Variants in MARCHF1 observed in about 807,000 individuals in gnomAD.
MARCHF1 encodes the protein E3 ubiquitin-protein ligase MARCHF1.
Under a neutral mutation model 54.2 loss-of-function variants are expected in MARCHF1, and 40 were observed. The observed-to-expected ratio is 0.74, with a 90% CI of 0.57 to 0.96. The LOEUF is 0.96. Ranked by LOEUF, MARCHF1 falls within the 40% of genes least tolerant of loss-of-function variation. The probability of loss-of-function intolerance (pLI) is 0.00; values close to 1 mark genes in which losing one functional copy is unlikely to be tolerated. For synonymous variants in MARCHF1, 236 were observed against 236.3 expected, an observed-to-expected ratio of 1.00 and a Z score of 0.01; for missense variants, 586 against 656.5, an observed-to-expected ratio of 0.89 and a Z score of 1.17.
chr4:163,987,983 T>C (rs989815702), intron 3 of MARCHF1, among the ~76,000 whole-genome samples: 17 of 152,208 alleles, frequency 1.1e-4, no homozygotes, highest in African/African-American at 3.9e-4. Flanking sequence ...TACACAACCA[T>C]GCACTGCCAA....
At chr4:164,068,908 A>C (rs1250559109) in intron 2 of MARCHF1, among the ~76,000 whole-genome samples, 5 of 152,122 alleles carry the variant, frequency 3.3e-5, no homozygotes, top group Non-Finnish European at 7.4e-5. Context: ...CAAGGTTTGT[A>C]AACACACCAA....
chr4:164,316,568 A>G (rs1334265694), intron 1 of MARCHF1, among the ~76,000 whole-genome samples: 4 of 152,092 alleles, frequency 2.6e-5, no homozygotes, highest in Admixed American at 6.5e-5. Flanking sequence ...TCCAAATCCT[A>G]TACTTATCCA....
At chr4:163,992,781 A>G (rs1481678749) in intron 2 of MARCHF1, among the ~76,000 whole-genome samples, 2 of 148,508 alleles carry the variant, frequency 1.3e-5, no homozygotes, top group East Asian at 3.9e-4. Context: ...AAAATATAAA[A>G]TTATATTTTA....
chr4:164,281,522 G>T (rs78238938), intron 1 of MARCHF1, among the ~76,000 whole-genome samples: 3,630 of 152,178 alleles, frequency 0.024, 154 homozygotes, highest in East Asian at 0.15. Flanking sequence ...CAAAAACAGA[G>T]GTGGCTGGAA....
chr4:164,120,852 G>C (rs992842044), intron 1 of MARCHF1, among the ~76,000 whole-genome samples: 1 of 152,014 alleles, frequency 6.6e-6, no homozygotes, highest in African/African-American at 2.4e-5. Flanking sequence ...GAGGGAAGTT[G>C]ATAGCTATAA....
intron 3 of MARCHF1, among the ~76,000 whole-genome samples, chr4:163,981,389 G>T (rs1752759853): frequency 6.6e-6 from 1 of 152,170 alleles, no homozygotes; most frequent in South Asian, 2.1e-4. Flanking sequence ...GCACCTAGAA[G>T]CACTTTGTCC....
At position 163,672,442 on chromosome 4, in the gene MARCHF1, G is replaced by C. The variant is rs530456408; in HGVS notation, c.162+28371C>G. The stretch of plus-strand genomic sequence containing the variant: ...AAGCACTTAATAAATACCAGCTTTT[G>C]TTATTCATAATTTCCTTGTTAAAAA... On this transcript the variant is annotated intron_variant, in intron 5 of 9. Transcript: ENST00000514618. 7.8e-4 allele frequency among the ~76,000 whole-genome samples: 118 copies of C among 151,974 alleles called. 1 individual carries two copies. Among genetic ancestry groups the C allele is most frequent in the African/African-American group, 2.8e-3 (115 of 41,466 alleles).
intron 4 of MARCHF1, among the ~76,000 whole-genome samples, chr4:163,713,958 G>A (rs1335318301): frequency 2.0e-5 from 3 of 152,146 alleles, no homozygotes; most frequent in Non-Finnish European, 4.4e-5. Context: ...CACATAATAA[G>A]CTTATAATAA....
chr4:163,727,689 T>C (rs1745704395), intron 4 of MARCHF1, among the ~76,000 whole-genome samples: 1 of 152,100 alleles, frequency 6.6e-6, no homozygotes, highest in African/African-American at 2.4e-5. Flanking sequence ...TTTTTTTTCT[T>C]TGAGGCAGGG....
At chr4:164,363,234 G>T (rs1730776778) in intron 1 of MARCHF1, among the ~76,000 whole-genome samples, 1 of 152,060 alleles carries the variant, frequency 6.6e-6, no homozygotes, top group Non-Finnish European at 1.5e-5. Context: ...CAGAAACTGG[G>T]TAGACTAAGA....
rs1446988529 is a variant in MARCHF1, at chr4:163,845,471, A to G, written c.111+8550T>C. Among the ~76,000 whole-genome samples, 4 of 139,606 alleles carry G rather than the reference A, an allele frequency of 2.9e-5. No homozygotes were observed. The East Asian group carries it at 1.5e-3, about 51-fold the overall frequency. The allele number at this position is 139,606 out of a possible 152,430, so 91.6% of individuals were successfully genotyped here. On this transcript the variant is annotated intron_variant, in intron 4 of 9. Transcript: ENST00000514618. The stretch of plus-strand genomic sequence containing the variant: ...CAATGCACCTCAGTTACACACACAC[A>G]CACACACACACACACACACACACAC...
At chr4:163,575,136 A>G (rs1438048378) in intron 8 of MARCHF1, among the ~76,000 whole-genome samples, 2 of 151,964 alleles carry the variant, frequency 1.3e-5, no homozygotes, top group African/African-American at 4.8e-5. Flanking sequence ...GCTTTTGTCC[A>G]TTAAGTATGA....
intron 5 of MARCHF1, among the ~76,000 whole-genome samples, chr4:163,651,708 C>T (rs1742973457): frequency 6.6e-6 from 1 of 151,772 alleles, no homozygotes; most frequent in Admixed American, 6.6e-5. Context: ...ATGTCTTTCC[C>T]TTTACACTAT....
chr4:163,705,002 A>T (rs1453685563), intron 4 of MARCHF1, among the ~76,000 whole-genome samples: 2 of 151,766 alleles, frequency 1.3e-5, no homozygotes, highest in Non-Finnish European at 3.0e-5. Flanking sequence ...TGCTACATGT[A>T]ACATTATTGC....
chr4:163,682,504 C>G (rs970851016), intron 5 of MARCHF1, among the ~76,000 whole-genome samples: 3 of 152,134 alleles, frequency 2.0e-5, no homozygotes, highest in Admixed American at 2.0e-4. Flanking sequence ...CCAGGGACCC[C>G]CTGCTCTGTG....
intron 1 of MARCHF1, among the ~76,000 whole-genome samples, chr4:164,204,696 G>A (rs114844631): frequency 6.6e-6 from 1 of 152,186 alleles, no homozygotes; most frequent in Non-Finnish European, 1.5e-5. Context: ...CAGGAAGCTG[G>A]TAATGGTTGA....
At chr4:163,846,400 G>A (rs1018364754) in intron 4 of MARCHF1, among the ~76,000 whole-genome samples, 4 of 152,020 alleles carry the variant, frequency 2.6e-5, no homozygotes, top group Non-Finnish European at 4.4e-5. Flanking sequence ...CTATGTTTGC[G>A]GGGCAATTCT....
intron 2 of MARCHF1, among the ~76,000 whole-genome samples, chr4:163,990,532 A>G (rs987949224): frequency 5.9e-5 from 9 of 152,206 alleles, no homozygotes; most frequent in African/African-American, 2.2e-4. Context: ...TCATCATCAT[A>G]CTTAAGCTTA....
chr4:164,115,193 C>A (rs778755581), intron 1 of MARCHF1, among the ~76,000 whole-genome samples: 21 of 151,906 alleles, frequency 1.4e-4, no homozygotes, highest in Non-Finnish European at 2.8e-4. Context: ...TTTTCAATTT[C>A]TTCAGGGATA....
Sources: allele counts gnomAD v4.1 joint callset (sites outside exome capture counted in the v4.1 genomes callset), GRCh38; gene constraint gnomAD v4.1.1; transcripts MANE v1.5; gene names NCBI Gene and HGNC (gene_info 2026-07-23, HGNC 2026-07-21).